The following FHIP1A variants were observed in gnomAD, a reference collection of about 807,000 sequenced individuals.
FHIP1A encodes FHF complex subunit HOOK-interacting protein 1A.
A neutral mutation model predicts 88.6 loss-of-function variants in FHIP1A; 61 were observed. That is an observed-to-expected ratio of 0.69 (90% CI 0.56 to 0.85). FHIP1A has a LOEUF of 0.85. Ranked by LOEUF, FHIP1A falls within the 40% of genes least tolerant of loss-of-function variation. The pLI is 0.00. For missense variants in FHIP1A, 1,154 were observed against 1,273.5 expected, an observed-to-expected ratio of 0.91 and a Z score of 1.43; for synonymous variants, 478 against 496.0, an observed-to-expected ratio of 0.96 and a Z score of 0.48.
At chr4:151,446,266 T>C (rs1032907648) in intron 1 of FHIP1A, among the ~76,000 whole-genome samples, 1 of 152,174 alleles carries the variant, frequency 6.6e-6, no homozygotes, top group Non-Finnish European at 1.5e-5. Context: ...ATTTACCTTA[T>C]TGTGGCCTTA....
At chr4:151,569,563 A>AT (rs1733518713) in intron 4 of FHIP1A, among the ~76,000 whole-genome samples, 1 of 151,950 alleles carries the variant, frequency 6.6e-6, no homozygotes, top group Non-Finnish European at 1.5e-5. Context: ...AAAAAAAAAA[A>AT]GGAAAAAATG....
intron 6 of FHIP1A, among the ~76,000 whole-genome samples, chr4:151,587,095 GA>G (rs1734246958): frequency 1.5e-5 from 2 of 135,090 alleles, no homozygotes; most frequent in Non-Finnish European, 1.7e-5. Flanking sequence ...TCATTAAATA[GA>G]TTATTTTTAG....
chr4:151,586,344 T>G lies in FHIP1A; in HGVS notation c.733-297T>G, dbSNP rs867629068. The stretch of plus-strand genomic sequence containing the variant: ...TTTTATTCATCTTTGCGTGTACTCC[T>G]CCTACACCTAGCCCAGCATAGTGCC... On this transcript the variant is annotated intron_variant, in intron 5 of 13. Transcript: ENST00000435205. Among the ~76,000 whole-genome samples the G allele has an allele frequency of 1.6e-4, 24 of 152,298 alleles. 1 individual carries two copies. Among genetic ancestry groups the G allele is most frequent in the South Asian group, 4.1e-4 (2 of 4,826 alleles).
rs1415904460 is a variant in FHIP1A at position 151,566,353 on chromosome 4, C to A, written c.94C>A (p.His32Asn). Residue 32 changes from histidine (H) to asparagine (N), a missense_variant, in exon 4 of 14, where the codon CAC becomes AAC. Physicochemically the swap from His to Asn is moderately conservative, Grantham distance 68 (BLOSUM62 1). Transcript: ENST00000435205. ...AACATGCATGATTGTATTTAAAAAC[C>A]ACTGGGCACAGGTAATGTATGAATT... ...PETCMIVFKN[H>N]WAQVVKILEK... 3.1e-5 allele frequency: 48 copies of A among 1,545,112 alleles called. No individual in the cohort carries two copies. In the South Asian group the frequency reaches 4.4e-4, roughly 14 times the overall value.
chr4:151,668,414 A>G lies in FHIP1A; in HGVS notation c.*5660A>G, dbSNP rs1481326618. On this transcript the variant is annotated 3_prime_UTR_variant, in exon 14 of 14. Coordinates refer to ENST00000435205, the MANE Select transcript of FHIP1A (RefSeq NM_001109977.3). ...AGGGTGTGTACTTTCCGAAACTTCG[A>G]GGCCATCTTAGTAATTATTTTAGCA... is the stretch of plus-strand genomic sequence containing the variant. Among the ~76,000 whole-genome samples the G allele has an allele frequency of 3.9e-5, 6 of 152,220 alleles. No individual in the cohort carries two copies. Among genetic ancestry groups the G allele is most frequent in the Non-Finnish European group, 8.8e-5 (6 of 68,034 alleles).
chr4:151,522,379 C>A (rs1034322693), intron 3 of FHIP1A, among the ~76,000 whole-genome samples: 1 of 152,172 alleles, frequency 6.6e-6, no homozygotes, highest in Non-Finnish European at 1.5e-5. Flanking sequence ...TTGTCAGAGT[C>A]CTGGACTGAA....
At chr4:151,561,241 A>G (rs1373029796) in intron 3 of FHIP1A, among the ~76,000 whole-genome samples, 1 of 152,214 alleles carries the variant, frequency 6.6e-6, no homozygotes, top group Non-Finnish European at 1.5e-5. Context: ...GTGGAATGAA[A>G]TAAGATTCTG....
At chr4:151,496,716 C>CTTTTTTTTTTTTTTTTTTTTTTTTTT (rs58538673) in intron 3 of FHIP1A, among the ~76,000 whole-genome samples, 13 of 102,456 alleles carry the variant, frequency 1.3e-4, no homozygotes, top group African/African-American at 1.6e-4. Flanking sequence ...CCACGTCCAG[C>CTTTTTTTTTTTTTTTTTTTTTTTTTT]TTTTTTTTTT....
At chr4:151,623,521 C>CTTTTTTTTT (rs747837424) in intron 7 of FHIP1A, among the ~76,000 whole-genome samples, 1 of 88,222 alleles carries the variant, frequency 1.1e-5, no homozygotes, top group Non-Finnish European at 2.2e-5. Flanking sequence ...CTTCCTGGTC[C>CTTTTTTTTT]TTTTTTTTTT....
rs368279833 is a variant in FHIP1A at position 151,608,113 on chromosome 4, C to T, written c.978+19187C>T. Among the ~76,000 whole-genome samples the T allele has an allele frequency of 4.3e-3, 548 of 127,434 alleles. 19 individuals are homozygous for T. In the South Asian group the frequency reaches 0.12, roughly 29 times the overall value. 83.6% of individuals were successfully genotyped at this position (127,434 alleles called of 152,430 possible). ...AGGCTGAAGTGCAGGGGCATGATCT[C>T]GGTTCACTGCAACCTCTGCCTCCCA... On this transcript the variant is annotated intron_variant, in intron 7 of 13. Transcript: ENST00000435205.
chr4:151,644,911 G>A (rs1467058511), intron 9 of FHIP1A, among the ~76,000 whole-genome samples: 2 of 152,144 alleles, frequency 1.3e-5, no homozygotes, highest in African/African-American at 4.8e-5. Context: ...ACAGAGGTGC[G>A]AGAATGCTTC....
intron 8 of FHIP1A, among the ~76,000 whole-genome samples, chr4:151,637,786 G>A (rs1736409523): frequency 6.6e-6 from 1 of 152,146 alleles, no homozygotes; most frequent in African/African-American, 2.4e-5. Flanking sequence ...TCTAGCTAAC[G>A]ACAAGTATAT....
intron 7 of FHIP1A, among the ~76,000 whole-genome samples, chr4:151,595,017 CTA>C (rs1164113412): frequency 6.6e-6 from 1 of 152,198 alleles, no homozygotes; most frequent in Non-Finnish European, 1.5e-5. Context: ...TTTCATGTCT[CTA>C]TGTCCTTCAG....
chr4:151,606,042 G>A (rs1735060640), intron 7 of FHIP1A, among the ~76,000 whole-genome samples: 1 of 152,170 alleles, frequency 6.6e-6, no homozygotes, highest in Admixed American at 6.5e-5. Flanking sequence ...GGCTATAATT[G>A]GGTGCTGAGT....
At chr4:151,413,749 C>T (rs757313165) in intron 1 of FHIP1A, among the ~76,000 whole-genome samples, 1 of 152,058 alleles carries the variant, frequency 6.6e-6, no homozygotes, top group African/African-American at 2.4e-5. Flanking sequence ...GCCACCGCGC[C>T]TGGCCTCATA....
intron 3 of FHIP1A, among the ~76,000 whole-genome samples, chr4:151,527,235 T>C (rs1157311904): frequency 1.3e-5 from 2 of 152,078 alleles, no homozygotes; most frequent in African/African-American, 4.8e-5. Flanking sequence ...CTGGGCACCA[T>C]TGAGCACTGA....
chr4:151,552,280 G>A (rs1732768325), intron 3 of FHIP1A, among the ~76,000 whole-genome samples: 1 of 152,132 alleles, frequency 6.6e-6, no homozygotes, highest in Non-Finnish European at 1.5e-5. Context: ...ATTCCTCAGG[G>A]ATCTAGAACT....
At chr4:151,589,873 G>A (rs1734358852) in intron 7 of FHIP1A, among the ~76,000 whole-genome samples, 1 of 152,146 alleles carries the variant, frequency 6.6e-6, no homozygotes, top group Admixed American at 6.5e-5. Context: ...GCCAAACAGG[G>A]TACTTGGTTT....
chr4:151,667,328 T>C lies in FHIP1A; in HGVS notation c.*4574T>C, dbSNP rs1737700694. The C allele has an allele frequency of 6.6e-6, 1 of 152,272 alleles. No homozygotes were observed. Among genetic ancestry groups the C allele is most frequent in the Non-Finnish European group, 1.5e-5 (1 of 68,054 alleles). The allele number at this position is 152,272 out of a possible 1,614,324, so 9.4% of individuals were successfully genotyped here. A position where few individuals can be genotyped will look rare whatever the true frequency, so the allele number is the denominator to read the frequency against. ...AAAACAGAACACTGTCAAACCACTTTATGTTCCACCCTTAAATCACATCAC... is the reference window on the plus strand; with the variant it reads ...AAAACAGAACACTGTCAAACCACTTCATGTTCCACCCTTAAATCACATCAC... On this transcript the variant is annotated 3_prime_UTR_variant, in exon 14 of 14. Transcript: ENST00000435205.
Sources: allele counts gnomAD v4.1 joint callset (sites outside exome capture counted in the v4.1 genomes callset), GRCh38; gene constraint gnomAD v4.1.1; transcripts MANE v1.5; gene names NCBI Gene and HGNC (gene_info 2026-07-23, HGNC 2026-07-21).